RAB28: variants seen among roughly 807,000 people sequenced by gnomAD.
RAB28 encodes the protein ras-related protein Rab-28.
In RAB28, 24 loss-of-function variants were observed where a neutral mutation model predicts 31.7. The ratio of observed to expected loss-of-function variants is 0.76; its 90% CI spans 0.55 to 1.06. RAB28 has a LOEUF of 1.06. RAB28 is among the 50% of genes least tolerant of loss of function. The pLI, the probability that RAB28 is intolerant of heterozygous loss-of-function variation, is 0.00. For missense variants in RAB28, 254 were observed against 258.5 expected (o/e 0.98, Z 0.12); for synonymous variants, 100 against 90.4 (o/e 1.11, Z -0.60).
At chr4:13,455,380 G>C (rs542292392) in intron 4 of RAB28, among the ~76,000 whole-genome samples, 74 of 152,350 alleles carry the variant, frequency 4.9e-4, no homozygotes, top group Non-Finnish European at 2.6e-4. Context: ...TCTTACTTGA[G>C]TGTGGGCAGT....
intron 4 of RAB28, among the ~76,000 whole-genome samples, chr4:13,428,736 G>A (rs1713648005): frequency 6.6e-6 from 1 of 152,022 alleles, no homozygotes. Context: ...GTTATTTGAG[G>A]AAATAACAGC....
chr4:13,426,349 G>GA (rs1713490691), intron 4 of RAB28, among the ~76,000 whole-genome samples: 1 of 151,612 alleles, frequency 6.6e-6, no homozygotes, highest in Admixed American at 6.6e-5. Flanking sequence ...CATCAGAAAC[G>GA]AATCTCTGAG....
At chr4:13,421,226 C>T (rs1386257349) in intron 4 of RAB28, among the ~76,000 whole-genome samples, 9 of 152,130 alleles carry the variant, frequency 5.9e-5, no homozygotes, top group Non-Finnish European at 1.2e-4. Context: ...TCAAGGAGAA[C>T]TACAAACCAC....
chr4:13,372,240 T>G (rs1024452205), intron 6 of RAB28, among the ~76,000 whole-genome samples: 5 of 152,140 alleles, frequency 3.3e-5, no homozygotes, highest in South Asian at 4.1e-4. Context: ...ATATTCTGAC[T>G]GGCATACATT....
At chr4:13,473,133 G>C (rs1716196847) in intron 3 of RAB28, among the ~76,000 whole-genome samples, 1 of 151,868 alleles carries the variant, frequency 6.6e-6, no homozygotes, top group African/African-American at 2.4e-5. Context: ...AAATAAATCA[G>C]AATCTATTTT....
intron 4 of RAB28, among the ~76,000 whole-genome samples, chr4:13,391,809 A>G (rs973972343): frequency 6.6e-6 from 1 of 152,122 alleles, no homozygotes; most frequent in Admixed American, 6.5e-5. Flanking sequence ...ACAAGGACAG[A>G]AAACTGAACA....
At chr4:13,430,314 G>A (rs1560290179) in intron 4 of RAB28, among the ~76,000 whole-genome samples, 1 of 152,076 alleles carries the variant, frequency 6.6e-6, no homozygotes. Context: ...ACTAAAGGAG[G>A]GGAGCAGGAT....
chr4:13,370,831 T>C (rs1173314798), intron 6 of RAB28: 4 of 965,928 alleles, frequency 4.1e-6, no homozygotes, highest in African/African-American at 1.8e-5. Flanking sequence ...CTTTCAAATA[T>C]CTAAGAGTTT....
In RAB28 at chr4:13,441,293, TAC is replaced by T. The variant is rs1000500054; in HGVS notation, c.391+19404_391+19405del. On this transcript the variant is annotated intron_variant, in intron 4 of 6. Coordinates refer to ENST00000330852, the MANE Select transcript of RAB28 (RefSeq NM_001017979.3). ...TGCCTTTAATACATATATTCAATCATACACAAAGTTGAAAGCATCCTAAAGAA... is the reference window on the plus strand; with the variant it reads ...TGCCTTTAATACATATATTCAATCATACAAAGTTGAAAGCATCCTAAAGAA... Among the ~76,000 whole-genome samples, 9 of 152,300 alleles carry T rather than the reference TAC, an allele frequency of 5.9e-5. No homozygotes were observed. In the East Asian group the frequency reaches 1.5e-3, roughly 26 times the overall value.
chr4:13,394,108 T>C (rs1237372011), intron 4 of RAB28, among the ~76,000 whole-genome samples: 1 of 152,002 alleles, frequency 6.6e-6, no homozygotes, highest in Non-Finnish European at 1.5e-5. Context: ...GGCGACCAGA[T>C]AAGAGAGTAA....
Position 13,454,880 on chromosome 4 carries a change from G to A in RAB28, c.391+5819C>T, listed in dbSNP as rs1280221473. Among the ~76,000 whole-genome samples the A allele has an allele frequency of 2.0e-5, 3 of 152,210 alleles. No individual in the cohort carries two copies. In the East Asian group the frequency reaches 5.8e-4, roughly 29 times the overall value. On this transcript the variant is annotated intron_variant, in intron 4 of 6. Coordinates refer to ENST00000330852, the MANE Select transcript of RAB28 (RefSeq NM_001017979.3). ...AGCTTCTCAGCTGGCCTGGGTGTGTGTCTGCTGGAGGTAGCCCACAGGGCT... is the reference window on the plus strand; with the variant it reads ...AGCTTCTCAGCTGGCCTGGGTGTGTATCTGCTGGAGGTAGCCCACAGGGCT...
At chr4:13,382,194 A>G (rs573351430) in intron 4 of RAB28, among the ~76,000 whole-genome samples, 10 of 152,326 alleles carry the variant, frequency 6.6e-5, no homozygotes, top group Non-Finnish European at 1.3e-4. Context: ...AGTAAGGGGC[A>G]AGGATGTATT....
At chr4:13,436,883 A>G (rs185816981) in intron 4 of RAB28, among the ~76,000 whole-genome samples, 1 of 152,216 alleles carries the variant, frequency 6.6e-6, no homozygotes, top group Non-Finnish European at 1.5e-5. Context: ...TATGGAACCA[A>G]AAAAAACAGC....
intron 4 of RAB28, among the ~76,000 whole-genome samples, chr4:13,427,918 G>C (rs945424580): frequency 2.0e-5 from 3 of 152,200 alleles, no homozygotes; most frequent in African/African-American, 7.2e-5. Context: ...TGGGAGCTTC[G>C]GCAAGACTCA....
intron 4 of RAB28, among the ~76,000 whole-genome samples, chr4:13,456,132 C>G (rs987285371): frequency 1.3e-5 from 2 of 152,144 alleles, no homozygotes; most frequent in Non-Finnish European, 2.9e-5. Context: ...CAATGGCTAG[C>G]TTAATACACA....
intron 4 of RAB28, among the ~76,000 whole-genome samples, chr4:13,400,666 TTCA>T (rs1711696845): frequency 6.6e-6 from 1 of 152,156 alleles, no homozygotes; most frequent in African/African-American, 2.4e-5. Flanking sequence ...AATTCACTAT[TTCA>T]TCATTAAGTA....
intron 4 of RAB28, among the ~76,000 whole-genome samples, chr4:13,401,952 A>C (rs1711789582): frequency 6.6e-6 from 1 of 152,248 alleles, no homozygotes; most frequent in Non-Finnish European, 1.5e-5. Flanking sequence ...CATGCCATAA[A>C]GTTTTAAATG....
chr4:13,467,814 C>T (rs1715933200), intron 3 of RAB28, among the ~76,000 whole-genome samples: 1 of 151,730 alleles, frequency 6.6e-6, no homozygotes, highest in African/African-American at 2.4e-5. Flanking sequence ...GAATTTAATA[C>T]ACAAATTAAA....
At chr4:13,452,473 C>A (rs1560137691) in intron 4 of RAB28, among the ~76,000 whole-genome samples, 1 of 151,906 alleles carries the variant, frequency 6.6e-6, no homozygotes. Flanking sequence ...TGTGTTCCTA[C>A]TTTCATTTCT....
Sources: allele counts gnomAD v4.1 joint callset (sites outside exome capture counted in the v4.1 genomes callset), GRCh38; gene constraint gnomAD v4.1.1; transcripts MANE v1.5; gene names NCBI Gene and HGNC (gene_info 2026-07-23, HGNC 2026-07-21).